GALNT10: variants seen among roughly 807,000 people sequenced by gnomAD.
GALNT10 encodes the protein GalNAc transferase 10.
A neutral mutation model predicts 75.0 loss-of-function variants in GALNT10; 41 were observed. That is an observed-to-expected ratio of 0.55 (90% CI 0.43 to 0.71). The LOEUF is 0.71. GALNT10 is among the 30% of genes least tolerant of loss of function. The probability of loss-of-function intolerance (pLI) is 0.00; values close to 1 mark genes in which losing one functional copy is unlikely to be tolerated. For missense variants in GALNT10, 727 were observed against 818.5 expected (o/e 0.89, Z 1.36); for synonymous variants, 302 against 313.0 (o/e 0.96, Z 0.37).
At chr5:154,374,398 C>T (rs1416121225) in intron 4 of GALNT10, among the ~76,000 whole-genome samples, 1 of 152,232 alleles carries the variant, frequency 6.6e-6, no homozygotes, top group Non-Finnish European at 1.5e-5. Context: ...AAACACACTT[C>T]ATCTCAATGA....
chr5:154,335,974 C>T (rs1754939883), intron 4 of GALNT10, among the ~76,000 whole-genome samples: 1 of 152,218 alleles, frequency 6.6e-6, no homozygotes, highest in African/African-American at 2.4e-5. Flanking sequence ...ATCCTCTGTG[C>T]TCCACCTGTT....
At chr5:154,206,631 G>A (rs1448985199) in intron 1 of GALNT10, among the ~76,000 whole-genome samples, 1 of 152,240 alleles carries the variant, frequency 6.6e-6, no homozygotes, top group Non-Finnish European at 1.5e-5. Flanking sequence ...TAAAACTTTA[G>A]CAAAGTGTAC....
intron 1 of GALNT10, among the ~76,000 whole-genome samples, chr5:154,290,385 A>C (rs114879277): frequency 0.016 from 2,443 of 151,086 alleles, 28 homozygotes; most frequent in Non-Finnish European, 0.025. Flanking sequence ...TTGGGATTAC[A>C]GGCGTAAGCC....
chr5:154,393,531 G>C (rs1349533917), intron 7 of GALNT10, among the ~76,000 whole-genome samples: 1 of 152,114 alleles, frequency 6.6e-6, no homozygotes, highest in Non-Finnish European at 1.5e-5. Flanking sequence ...CTGTAACCAG[G>C]AAAAGTTACA....
At position 154,298,702 on chromosome 5, in the gene GALNT10, C is replaced by T. The variant is rs1275534908; in HGVS notation, c.401+623C>T. Among the ~76,000 whole-genome samples the T allele has an allele frequency of 6.6e-6, 1 of 152,204 alleles. No individual in the cohort carries two copies. The highest frequency in any genetic ancestry group is 1.5e-5 in the Non-Finnish European group (1 of 68,042). ...TTGACAGAATAAGACAGGCCTTAGA[C>T]TCCAGTTCAATCAAAAACTATACTC... On this transcript the variant is annotated intron_variant, in intron 3 of 11. Transcript: ENST00000297107. This position sits in a 1 kb window ranked among gnomAD's most constrained non-coding sequence, Gnocchi z 4.1.
intron 1 of GALNT10, among the ~76,000 whole-genome samples, chr5:154,265,014 T>C (rs1753757509): frequency 6.6e-6 from 1 of 152,138 alleles, no homozygotes; most frequent in Non-Finnish European, 1.5e-5. Flanking sequence ...CCAGGGGCAG[T>C]AGTTAGGCTG....
At chr5:154,365,034 G>A (rs1755454527) in intron 4 of GALNT10, among the ~76,000 whole-genome samples, 2 of 152,226 alleles carry the variant, frequency 1.3e-5, no homozygotes, top group South Asian at 4.1e-4. Flanking sequence ...GCCCACTGCT[G>A]AAAAGGGACC....
At position 154,380,609 on chromosome 5, in the gene GALNT10, G is replaced by A; in HGVS notation, c.916G>A (p.Ala306Thr). ...RIPIPPELQK[A>T]DPSDPFESPV... Reference sequence around the variant, plus strand: ...CCCGATCCCTCCAGAACTGCAGAAAGCTGACCCCAGCGACCCATTTGAGTA... The same window carrying A: ...CCCGATCCCTCCAGAACTGCAGAAAACTGACCCCAGCGACCCATTTGAGTA... Residue 306 changes from alanine (A) to threonine (T), a missense_variant, in exon 6 of 12, where the codon GCT (alanine) becomes ACT (threonine). Transcript: ENST00000297107. 1 of 1,612,994 alleles carries A rather than the reference G, an allele frequency of 6.2e-7. No homozygotes were observed. The highest frequency in any genetic ancestry group is 8.5e-7 in the Non-Finnish European group (1 of 1,179,192).
At position 154,416,871 on chromosome 5, in the gene GALNT10, C is replaced by T; in HGVS notation, c.1711C>T (p.His571Tyr). ...GSCMDCSESD[H>Y]RIFMNTCNPS... The stretch of plus-strand genomic sequence containing the variant: ...CTGCATGGACTGCAGTGAAAGTGAC[C>T]ATAGGATCTTCATGAACACCTGCAA... Residue 571 changes from histidine (H) to tyrosine (Y), a missense_variant, in exon 12 of 12, where the codon CAT becomes TAT. Transcript: ENST00000297107. The surrounding 1 kb of genome is among the most constrained non-coding windows in gnomAD (Gnocchi z 4.5). 6.2e-7 allele frequency: 1 copy of T among 1,612,694 alleles called. No individual in the cohort carries two copies. The highest frequency in any genetic ancestry group is 1.1e-5 in the South Asian group (1 of 91,062).
chr5:154,321,273 T>C lies in GALNT10; in HGVS notation c.402-8299T>C, dbSNP rs556463966. 2.4e-4 allele frequency among the ~76,000 whole-genome samples: 36 copies of C among 152,050 alleles called. 1 individual carries two copies. In the South Asian group the frequency reaches 7.3e-3, roughly 31 times the overall value. ...CATACAAAGAGACTTTGTTGTTACA[T>C]GCATTGCCCTGAGATGTCACAAGTT... On this transcript the variant is annotated intron_variant, in intron 3 of 11. Coordinates refer to ENST00000297107, the MANE Select transcript of GALNT10 (RefSeq NM_198321.4).
rs1264014322 is a variant in GALNT10, at chr5:154,402,298, G to A, written c.1057-1806G>A. Among the ~76,000 whole-genome samples the A allele has an allele frequency of 6.6e-6, 1 of 152,098 alleles. No individual in the cohort carries two copies. Among genetic ancestry groups the A allele is most frequent in the East Asian group, 1.9e-4 (1 of 5,190 alleles). ...TTTTGATTATGCCAAGCTTGGCCCT[G>A]CCCTGGTGCCTTTGCACTTGCTCTT... On this transcript the variant is annotated intron_variant, in intron 7 of 11. Transcript: ENST00000297107. This position sits in a 1 kb window ranked among gnomAD's most constrained non-coding sequence, Gnocchi z 4.2.
chr5:154,274,977 G>A (rs183997552), intron 1 of GALNT10, among the ~76,000 whole-genome samples: 3 of 152,296 alleles, frequency 2.0e-5, no homozygotes, highest in Admixed American at 6.5e-5. Context: ...ATAAGCAGCT[G>A]AGTTTCCAAC....
chr5:154,270,666 G>C (rs1017017484), intron 1 of GALNT10, among the ~76,000 whole-genome samples: 2 of 152,082 alleles, frequency 1.3e-5, no homozygotes, highest in Non-Finnish European at 2.9e-5. Flanking sequence ...ACTGAGGCCT[G>C]GTCATTACAC....
At chr5:154,334,150 C>T (rs894115672) in intron 4 of GALNT10, among the ~76,000 whole-genome samples, 1 of 152,212 alleles carries the variant, frequency 6.6e-6, no homozygotes, top group African/African-American at 2.4e-5. Flanking sequence ...AATGAATCTC[C>T]TCCAGGATCC....
rs1217401447 is a variant in GALNT10 at position 154,416,880 on chromosome 5, T to C, written c.1720T>C (p.Phe574Leu). The change falls in exon 12 of 12, where the codon TTC becomes CTC. Residue 574 changes from phenylalanine to leucine, a missense_variant. Phe to Leu is a conservative substitution (Grantham distance 22). Coordinates refer to ENST00000297107, the MANE Select transcript of GALNT10 (RefSeq NM_198321.4). The surrounding 1 kb of genome is among the most constrained non-coding windows in gnomAD (Gnocchi z 4.5). ...CTGCAGTGAAAGTGACCATAGGATC[T>C]TCATGAACACCTGCAACCCATCCTC... ...MDCSESDHRI[F>L]MNTCNPSSLT... 1.2e-5 allele frequency: 20 copies of C among 1,613,202 alleles called. No homozygotes were observed. The highest frequency in any genetic ancestry group is 1.7e-5 in the Non-Finnish European group (20 of 1,179,098).
At position 154,329,759 on chromosome 5, in the gene GALNT10, C is replaced by G. The variant is rs774206534; in HGVS notation, c.568+21C>G. 9.5e-6 allele frequency: 15 copies of G among 1,579,506 alleles called. No homozygotes were observed. The Admixed American group carries it at 2.0e-4, about 21-fold the overall frequency. On this transcript the variant is annotated intron_variant, in intron 4 of 11. Coordinates refer to ENST00000297107, the MANE Select transcript of GALNT10 (RefSeq NM_198321.4). Reference sequence around the variant, plus strand: ...TCGAGGTAGGATCCGTCCCACCCAGCCTCCCACCCTCTGTGCTTCATCTGG... The same window carrying G: ...TCGAGGTAGGATCCGTCCCACCCAGGCTCCCACCCTCTGTGCTTCATCTGG...
At chr5:154,322,083 T>C (rs922761947) in intron 3 of GALNT10, among the ~76,000 whole-genome samples, 12 of 152,212 alleles carry the variant, frequency 7.9e-5, no homozygotes, top group Non-Finnish European at 1.6e-4. Flanking sequence ...ATTCTTACCA[T>C]TTTAAACAAC....
At chr5:154,239,789 T>C (rs2113667482) in intron 1 of GALNT10, among the ~76,000 whole-genome samples, 1 of 152,360 alleles carries the variant, frequency 6.6e-6, no homozygotes, top group Admixed American at 6.5e-5. Flanking sequence ...AATTGGGCAC[T>C]TCTGTTTCTG....
chr5:154,388,247 A>T (rs1405974839), intron 7 of GALNT10: 9 of 152,252 alleles, frequency 5.9e-5, no homozygotes, highest in Admixed American at 5.9e-4. Context: ...TAAGGAGACC[A>T]GCCCCCTAAA....
Sources: allele counts gnomAD v4.1 joint callset (sites outside exome capture counted in the v4.1 genomes callset), GRCh38; gene constraint gnomAD v4.1.1; non-coding constraint Gnocchi (gnomAD v3.1); transcripts MANE v1.5; gene names NCBI Gene and HGNC (gene_info 2026-07-23, HGNC 2026-07-21).